PADI3: variants seen among roughly 807,000 people sequenced by gnomAD.
The protein encoded by PADI3 is protein-arginine deiminase type-3.
Under a neutral mutation model 71.5 loss-of-function variants are expected in PADI3, and 53 were observed. That is an observed-to-expected ratio of 0.74 (90% confidence interval 0.59 to 0.93). The LOEUF (loss-of-function observed/expected upper bound fraction) is 0.93, where lower values mean the gene tolerates loss of function less well. Among genes scored for constraint, PADI3 ranks in the 40% least tolerant of loss-of-function variants. The probability of loss-of-function intolerance (pLI) is 0.00; values close to 1 mark genes in which losing one functional copy is unlikely to be tolerated. For missense variants in PADI3, 821 were observed against 868.0 expected, an observed-to-expected ratio of 0.95 and a Z score of 0.68; for synonymous variants, 361 against 347.5, an observed-to-expected ratio of 1.04 and a Z score of -0.43.
intron 2 of PADI3, among the ~76,000 whole-genome samples, chr1:17,261,403 C>T (rs1055880114): frequency 8.5e-5 from 13 of 152,282 alleles, no homozygotes; most frequent in Non-Finnish European, 1.5e-4. Flanking sequence ...TTATTATCCC[C>T]ACTTTACAGT....
chr1:17,262,272 A>T, intron 3 of PADI3, 67 bp downstream of exon 3: 1 of 1,185,456 alleles, frequency 8.4e-7, no homozygotes, highest in South Asian at 1.5e-5. Context: ...AGTACAAAAG[A>T]GTATACGTTG....
At position 17,280,809 on chromosome 1, in the gene PADI3, C is replaced by G. The variant is rs1480766437; in HGVS notation, c.1761+13C>G. On this transcript the variant is annotated intron_variant, in intron 15 of 15. Coordinates refer to ENST00000375460, the MANE Select transcript of PADI3 (RefSeq NM_016233.2). ...CTTCCCTGACTTGGTGAGGGCACTA[C>G]CCATGACTCCTTTGCCAAATCAGGC... 6.2e-7 allele frequency: 1 copy of G among 1,612,780 alleles called. No individual in the cohort carries two copies. The highest frequency in any genetic ancestry group is 2.2e-5 in the East Asian group (1 of 44,860).
intron 1 of PADI3, among the ~76,000 whole-genome samples, chr1:17,257,969 C>T (rs1473254691): frequency 1.3e-5 from 2 of 152,192 alleles, no homozygotes; most frequent in African/African-American, 4.8e-5. Context: ...GTTATTATTA[C>T]TCCTGGGGAG....
At chr1:17,258,944 G>T (rs956504634) in intron 1 of PADI3, among the ~76,000 whole-genome samples, 3 of 152,240 alleles carry the variant, frequency 2.0e-5, no homozygotes, top group African/African-American at 7.2e-5. Context: ...GACCTGCACT[G>T]GGGATTTATC....
At chr1:17,266,117 A>T (rs1221345828) in intron 4 of PADI3, among the ~76,000 whole-genome samples, 1 of 152,242 alleles carries the variant, frequency 6.6e-6, no homozygotes, top group Non-Finnish European at 1.5e-5. Context: ...GATGGATGTG[A>T]CTGTGTGCTA....
chr1:17,269,717 A>G (rs2073220167), intron 6 of PADI3, among the ~76,000 whole-genome samples: 1 of 152,008 alleles, frequency 6.6e-6, no homozygotes, highest in South Asian at 2.1e-4. Context: ...TCCTGGGTTC[A>G]AGCAATCCTC....
intron 10 of PADI3, 124 bp from the exon 11 acceptor site, chr1:17,274,511 G>A: frequency 1.2e-6 from 1 of 809,342 alleles, no homozygotes. Flanking sequence ...CAATGACTCT[G>A]TATTTCCACC....
At chr1:17,260,046 G>A (rs2073084382) in intron 2 of PADI3, among the ~76,000 whole-genome samples, 1 of 152,216 alleles carries the variant, frequency 6.6e-6, no homozygotes, top group Admixed American at 6.5e-5. Flanking sequence ...ATAGGAGCCA[G>A]TGTTGCTCCT....
At position 17,278,736 on chromosome 1, in the gene PADI3, C is replaced by T. The variant is rs113375722; in HGVS notation, c.1556-1614C>T. On this transcript the variant is annotated intron_variant, in intron 13 of 15. Coordinates refer to ENST00000375460, the MANE Select transcript of PADI3 (RefSeq NM_016233.2). ...GTCCCAGGGCAAAGACCCTTTGACACGCAGGATCATAGATTTTCTTGGTCC... is the reference window on the plus strand; with the variant it reads ...GTCCCAGGGCAAAGACCCTTTGACATGCAGGATCATAGATTTTCTTGGTCC... 3.2e-3 allele frequency among the ~76,000 whole-genome samples: 491 copies of T among 152,152 alleles called. 7 individuals are homozygous for T. The highest frequency in any genetic ancestry group is 8.7e-3 in the African/African-American group (363 of 41,508).
chr1:17,257,732 T>C (rs1449881400), intron 1 of PADI3, among the ~76,000 whole-genome samples: 1 of 152,214 alleles, frequency 6.6e-6, no homozygotes, highest in Admixed American at 6.5e-5. Context: ...GGGGGAGGTC[T>C]GCCTTACTCT....
chr1:17,265,845 C>A, intron 4 of PADI3, 125 bp downstream of exon 4: 1 of 780,276 alleles, frequency 1.3e-6, no homozygotes, highest in South Asian at 1.6e-5. Flanking sequence ...GACCAAGGGC[C>A]AAAAACAGAA....
At chr1:17,264,027 T>G (rs2977268) in intron 3 of PADI3, among the ~76,000 whole-genome samples, 2 of 152,224 alleles carry the variant, frequency 1.3e-5, no homozygotes, top group East Asian at 3.9e-4. Context: ...ACTTCTAGGT[T>G]ATAGAGAATC....
At chr1:17,266,465 G>A (rs2073169716) in intron 4 of PADI3, among the ~76,000 whole-genome samples, 1 of 152,202 alleles carries the variant, frequency 6.6e-6, no homozygotes, top group African/African-American at 2.4e-5. Flanking sequence ...CTATAATCAG[G>A]TTGCCTATTG....
rs371478066 is a variant in PADI3 at position 17,280,383 on chromosome 1, A to G, written c.1589A>G (p.Gln530Arg). The change falls in exon 14 of 16, where the codon CAG (glutamine) becomes CGG (arginine). Residue 530 changes from glutamine (Q) to arginine (R), a missense_variant. Physicochemically the swap from Gln to Arg is conservative, Grantham distance 43. Transcript: ENST00000375460. ...DEQVKTISIN[Q>R]VLSNKDLINY... ...CAGGTCAAGACCATCTCCATCAACC[A>G]GGTGCTCTCCAATAAAGACCTCATC... The G allele has an allele frequency of 9.9e-6, 16 of 1,614,026 alleles. No individual in the cohort carries two copies. The African/African-American group carries it at 1.1e-4, about 11-fold the overall frequency.
At chr1:17,254,024 A>G (rs1202482930) in intron 1 of PADI3, among the ~76,000 whole-genome samples, 3 of 152,334 alleles carry the variant, frequency 2.0e-5, no homozygotes, top group East Asian at 1.9e-4. Flanking sequence ...CTGCCTGTGC[A>G]GAGAGCTGGG....
At chr1:17,266,889 C>T in intron 5 of PADI3, 53 bp downstream of exon 5, 1 of 1,378,174 alleles carries the variant, frequency 7.3e-7, no homozygotes, top group Non-Finnish European at 1.0e-6. Context: ...TGCTCAGTTA[C>T]CCCATGGGAG....
chr1:17,257,171 G>A (rs997703207), intron 1 of PADI3, among the ~76,000 whole-genome samples: 2 of 150,956 alleles, frequency 1.3e-5, no homozygotes, highest in African/African-American at 2.4e-5. Flanking sequence ...GTCTCTTTCC[G>A]ACTCCCTGTC....
chr1:17,260,140 G>A (rs1047801919), intron 2 of PADI3, among the ~76,000 whole-genome samples: 3 of 152,178 alleles, frequency 2.0e-5, no homozygotes, highest in African/African-American at 4.8e-5. Context: ...TGTAGGCTGA[G>A]GGTTGACTAG....
At chr1:17,279,172 C>T (rs2073370335) in intron 13 of PADI3, among the ~76,000 whole-genome samples, 1 of 152,116 alleles carries the variant, frequency 6.6e-6, no homozygotes, top group South Asian at 2.1e-4. Flanking sequence ...GATGGCAGGC[C>T]ACAAGCAGCC....
Sources: allele counts gnomAD v4.1 joint callset (sites outside exome capture counted in the v4.1 genomes callset), GRCh38; gene constraint gnomAD v4.1.1; transcripts MANE v1.5; gene names NCBI Gene and HGNC (gene_info 2026-07-23, HGNC 2026-07-21).